The following GREB1L variants were observed in gnomAD, a reference collection of about 807,000 sequenced individuals.
GREB1L encodes the protein GREB1-like protein.
A neutral mutation model predicts 200.8 loss-of-function variants in GREB1L; 17 were observed. That is an observed-to-expected ratio of 0.08 (90% CI 0.06 to 0.13). The LOEUF is 0.13. Among genes scored for constraint, GREB1L ranks in the 10% least tolerant of loss-of-function variants. The pLI, the probability that GREB1L is intolerant of heterozygous loss-of-function variation, is 1.00. For synonymous variants in GREB1L, 789 were observed against 893.0 expected (o/e 0.88, Z 2.08); for missense variants, 1,657 against 2,367.7 (o/e 0.70, Z 6.23).
chr18:21,516,139 CAAAT>C (rs1234695211), intron 29 of GREB1L, among the ~76,000 whole-genome samples: 2 of 152,000 alleles, frequency 1.3e-5, no homozygotes, highest in African/African-American at 4.8e-5. Flanking sequence ...CCTTGCCTCC[CAAAT>C]AAATTATGTC....
intron 1 of GREB1L, among the ~76,000 whole-genome samples, chr18:21,332,812 G>A (rs936662842): frequency 6.6e-6 from 1 of 152,116 alleles, no homozygotes; most frequent in African/African-American, 2.4e-5. Context: ...AGGTGAAGTG[G>A]CTCAACACCT....
chr18:21,450,376 T>C, intron 12 of GREB1L, among the ~76,000 whole-genome samples: 1 of 152,166 alleles, frequency 6.6e-6, no homozygotes, highest in East Asian at 1.9e-4. Context: ...TGGGTAGCCA[T>C]TTGGACTACA....
intron 1 of GREB1L, among the ~76,000 whole-genome samples, chr18:21,312,075 C>T (rs1291594748): frequency 2.0e-5 from 3 of 152,064 alleles, no homozygotes. Flanking sequence ...AGTTAGAACA[C>T]GTGGTATTTG....
Position 21,505,935 on chromosome 18 carries a change from A to G in GREB1L, c.4354A>G (p.Thr1452Ala), listed in dbSNP as rs756673719. Residue 1452 changes from threonine to alanine, a missense_variant, in exon 25 of 33, where the codon ACC becomes GCC. Thr to Ala is a moderately conservative substitution (Grantham distance 58). Coordinates refer to ENST00000424526, the MANE Select transcript of GREB1L (RefSeq NM_001142966.3). ...ACAGTGCCGCCAGTACATGGACTTCACCTCTGCCTCCCAGGTACCATCCCA... is the reference window on the plus strand; with the variant it reads ...ACAGTGCCGCCAGTACATGGACTTCGCCTCTGCCTCCCAGGTACCATCCCA... ...CEQCRQYMDFTSASQMSDSTL... is the reference protein window; with the variant it reads ...CEQCRQYMDFASASQMSDSTL... 5.8e-6 allele frequency: 9 copies of G among 1,551,240 alleles called. No individual in the cohort carries two copies. Among genetic ancestry groups the G allele is most frequent in the Non-Finnish European group, 7.0e-6 (8 of 1,146,730 alleles).
intron 1 of GREB1L, among the ~76,000 whole-genome samples, chr18:21,332,298 G>A (rs1322894156): frequency 1.3e-5 from 2 of 152,028 alleles, no homozygotes; most frequent in East Asian, 3.9e-4. Flanking sequence ...TATTTCTACT[G>A]TCACTTTTTA....
At position 21,500,312 on chromosome 18, in the gene GREB1L, G is replaced by T. The variant is rs532937460; in HGVS notation, c.3969+6G>T. 3 of 1,151,478 alleles carry T rather than the reference G, an allele frequency of 2.6e-6. No individual in the cohort carries two copies. Among genetic ancestry groups the T allele is most frequent in the South Asian group, 1.3e-5 (1 of 75,654 alleles). The allele number at this position is 1,151,478 out of a possible 1,614,324, so 71.3% of individuals were successfully genotyped here. A position where few individuals can be genotyped will look rare whatever the true frequency, so the allele number is the denominator to read the frequency against. ...TGCTGACAGGGCCCCCACAGGTAGGGCCAAGCCAGCCGGGGCCGTTTCTTA... is the reference window on the plus strand; with the variant it reads ...TGCTGACAGGGCCCCCACAGGTAGGTCCAAGCCAGCCGGGGCCGTTTCTTA... On this transcript the variant is annotated splice_donor_region_variant and intron_variant, in intron 22 of 32. Coordinates refer to ENST00000424526, the MANE Select transcript of GREB1L (RefSeq NM_001142966.3).
At position 21,513,710 on chromosome 18, in the gene GREB1L, G is replaced by C. The variant is rs1418457492; in HGVS notation, c.4736-111G>C. The C allele has an allele frequency of 6.0e-6, 6 of 1,007,044 alleles. No homozygotes were observed. The East Asian group carries it at 1.6e-4, about 26-fold the overall frequency. 62.4% of individuals were successfully genotyped at this position (1,007,044 alleles called of 1,614,324 possible). ...CATTTGGTTGGCTCCCACCTGCATG[G>C]TTCCCATGTGAACAGGCATTCTGTG... On this transcript the variant is annotated intron_variant, in intron 27 of 32. Transcript: ENST00000424526.
At chr18:21,360,312 G>A (rs767314112) in intron 1 of GREB1L, among the ~76,000 whole-genome samples, 31 of 152,066 alleles carry the variant, frequency 2.0e-4, no homozygotes, top group Non-Finnish European at 3.2e-4. Context: ...TCCGCCTCCC[G>A]GGTTCAAGCA....
intron 1 of GREB1L, among the ~76,000 whole-genome samples, chr18:21,315,510 A>G (rs994280033): frequency 2.0e-5 from 3 of 152,180 alleles, no homozygotes; most frequent in African/African-American, 7.2e-5. Context: ...GATGTTCAAC[A>G]CATATCATTT....
chr18:21,319,462 TG>T (rs1448635909), intron 1 of GREB1L, among the ~76,000 whole-genome samples: 4 of 152,252 alleles, frequency 2.6e-5, no homozygotes, highest in African/African-American at 9.6e-5. Context: ...ACTCTTATAT[TG>T]TATTTTCAGA....
chr18:21,459,066 G>A (rs2034910228), intron 15 of GREB1L, among the ~76,000 whole-genome samples: 1 of 151,988 alleles, frequency 6.6e-6, no homozygotes, highest in Non-Finnish European at 1.5e-5. Flanking sequence ...ATCCAGGCAA[G>A]GAAGTTTTAT....
chr18:21,290,596 G>C (rs2038431740), intron 1 of GREB1L, among the ~76,000 whole-genome samples: 1 of 152,188 alleles, frequency 6.6e-6, no homozygotes. Context: ...GCTGAGGCAG[G>C]TGGATCACCT....
chr18:21,414,815 G>C (rs930377515), intron 7 of GREB1L, among the ~76,000 whole-genome samples: 2 of 152,136 alleles, frequency 1.3e-5, no homozygotes, highest in Non-Finnish European at 2.9e-5. Flanking sequence ...ATGGAGAAAA[G>C]AGACTGGATT....
chr18:21,463,983 A>C (rs543034359), intron 15 of GREB1L, among the ~76,000 whole-genome samples: 7 of 152,208 alleles, frequency 4.6e-5, no homozygotes, highest in Non-Finnish European at 1.0e-4. Context: ...AAATTTGGAA[A>C]TTTCTAGCGT....
At chr18:21,373,295 G>A (rs536736265) in intron 2 of GREB1L, among the ~76,000 whole-genome samples, 131 of 152,104 alleles carry the variant, frequency 8.6e-4, no homozygotes, top group African/African-American at 3.1e-3. Flanking sequence ...TTTCATTAGG[G>A]GTTACAAAGT....
chr18:21,457,773 C>T (rs1445096746), intron 15 of GREB1L, among the ~76,000 whole-genome samples: 6 of 152,098 alleles, frequency 3.9e-5, no homozygotes, highest in Non-Finnish European at 7.4e-5. Flanking sequence ...TTAAAATGTA[C>T]GGAGAAATTG....
At chr18:21,498,513 C>A (rs2036643338) in intron 21 of GREB1L, among the ~76,000 whole-genome samples, 1 of 152,148 alleles carries the variant, frequency 6.6e-6, no homozygotes, top group Admixed American at 6.5e-5. Flanking sequence ...TTTTGGATAC[C>A]AGCATGAGGA....
intron 15 of GREB1L, among the ~76,000 whole-genome samples, chr18:21,470,790 AAGC>A (rs542095478): frequency 5.7e-4 from 87 of 152,350 alleles, no homozygotes; most frequent in African/African-American, 1.9e-3. Context: ...ACAAAAATGG[AAGC>A]AGTGAATTAA....
chr18:21,521,084 C>G (rs919427042), intron 32 of GREB1L, among the ~76,000 whole-genome samples: 1 of 152,098 alleles, frequency 6.6e-6, no homozygotes, highest in African/African-American at 2.4e-5. Flanking sequence ...GTAGTCCCAG[C>G]TACTGGGGAG....
Sources: allele counts gnomAD v4.1 joint callset (sites outside exome capture counted in the v4.1 genomes callset), GRCh38; gene constraint gnomAD v4.1.1; transcripts MANE v1.5; gene names NCBI Gene and HGNC (gene_info 2026-07-23, HGNC 2026-07-21).